MTA3: variants seen among roughly 807,000 people sequenced by gnomAD.
MTA3 encodes metastasis associated 1 family member 3, also known as metastasis-associated protein MTA3.
A neutral mutation model predicts 83.5 loss-of-function variants in MTA3; 34 were observed. The ratio of observed to expected loss-of-function variants is 0.41; its 90% CI spans 0.31 to 0.54. The LOEUF is 0.54. Among genes scored for constraint, MTA3 ranks in the 20% least tolerant of loss-of-function variants. The pLI is 0.33. For missense variants in MTA3, 761 were observed against 726.4 expected (o/e 1.05, Z -0.55); for synonymous variants, 303 against 252.7 (o/e 1.20, Z -1.89).
intron 16 of MTA3, among the ~76,000 whole-genome samples, chr2:42,738,306 C>A (rs761474143): frequency 2.1e-4 from 32 of 152,168 alleles, no homozygotes; most frequent in African/African-American, 7.0e-4. Context: ...GGCAGAAGAA[C>A]GTGGATTGTG....
At chr2:42,501,033 A>G (rs1358266937) in intron 2 of MTA3, among the ~76,000 whole-genome samples, 1 of 152,048 alleles carries the variant, frequency 6.6e-6, no homozygotes, top group Admixed American at 6.6e-5. Context: ...GATGATCTCC[A>G]TCTCCTGACC....
intron 3 of MTA3, among the ~76,000 whole-genome samples, chr2:42,582,076 G>A (rs1679723847): frequency 1.3e-5 from 2 of 149,500 alleles, no homozygotes; most frequent in South Asian, 4.2e-4. Context: ...CTTTTTTTTT[G>A]AGACGGAGTC....
rs1050823328 is a variant in MTA3 at position 42,552,469 on chromosome 2, A to C, written c.-140-17968A>C. ...AAAGGCTTTTTAAAACTAGACTCCT[A>C]GCCCCAGGGGGTGGTGGCTAAAGCC... is the stretch of plus-strand genomic sequence containing the variant. On this transcript the variant is annotated intron_variant, in intron 2 of 17. Transcript: ENST00000405592. Among the ~76,000 whole-genome samples, 3 of 152,118 alleles carry C rather than the reference A, an allele frequency of 2.0e-5. No homozygotes were observed. The South Asian group carries it at 6.2e-4, about 31-fold the overall frequency.
chr2:42,644,259 G>A lies in MTA3; in HGVS notation c.499+15G>A, dbSNP rs759748415. 1.8e-5 allele frequency: 28 copies of A among 1,549,726 alleles called. No individual in the cohort carries two copies. The Admixed American group carries it at 1.9e-4, about 11-fold the overall frequency. On this transcript the variant is annotated intron_variant, in intron 6 of 16. Transcript: ENST00000405094. ...GCTGTTAGAAGGTACGTTTTTCTGC[G>A]TGTTTGCAGTTTTGTGAAACAAATA...
chr2:42,535,860 T>C (rs1401499254), intron 2 of MTA3, among the ~76,000 whole-genome samples: 1 of 146,400 alleles, frequency 6.8e-6, no homozygotes, highest in Non-Finnish European at 1.5e-5. Flanking sequence ...GGCTCATGCC[T>C]GTAATCCTAG....
chr2:42,658,451 G>A (rs1395544391), intron 7 of MTA3, among the ~76,000 whole-genome samples: 3 of 152,160 alleles, frequency 2.0e-5, no homozygotes. Context: ...GGGATGAGAC[G>A]TCGTACAACG....
chr2:42,621,732 T>C (rs1313470735), intron 4 of MTA3, among the ~76,000 whole-genome samples: 108 of 146,440 alleles, frequency 7.4e-4, no homozygotes, highest in African/African-American at 2.7e-3. Context: ...TCCTCACTTC[T>C]CAGACGGGGC....
intron 4 of MTA3, among the ~76,000 whole-genome samples, chr2:42,638,433 G>T (rs890488652): frequency 5.9e-5 from 9 of 151,698 alleles, no homozygotes; most frequent in African/African-American, 1.9e-4. Flanking sequence ...CTTTTGCCCA[G>T]GCTGGAGTTC....
At chr2:42,698,811 C>T (rs1693610092) in intron 11 of MTA3, among the ~76,000 whole-genome samples, 1 of 152,114 alleles carries the variant, frequency 6.6e-6, no homozygotes, top group Non-Finnish European at 1.5e-5. Flanking sequence ...ACAGATAACT[C>T]TGGTTTAATT....
chr2:42,656,399 C>G, intron 7 of MTA3, 97 bp downstream of exon 7: 1 of 642,026 alleles, frequency 1.6e-6, no homozygotes, highest in Non-Finnish European at 2.5e-6. Flanking sequence ...CTGCTTTTCT[C>G]CCACTGATTG....
At chr2:42,731,601 CCCACAACACATGGGAAT>C (rs1363441608) in intron 16 of MTA3, among the ~76,000 whole-genome samples, 1 of 152,158 alleles carries the variant, frequency 6.6e-6, no homozygotes, top group East Asian at 1.9e-4. Context: ...ACTTCCCCCT[CCCACAACACATGGGAAT>C]TCTGGGAGAT....
At chr2:42,635,910 C>G (rs939906695) in intron 4 of MTA3, among the ~76,000 whole-genome samples, 4 of 151,932 alleles carry the variant, frequency 2.6e-5, no homozygotes, top group Non-Finnish European at 4.4e-5. Context: ...GGATTACAGG[C>G]GTGCACCACC....
chr2:42,548,811 ATATATATATATATATAT>A (rs1311070875), intron 2 of MTA3, among the ~76,000 whole-genome samples: 1,471 of 37,802 alleles, frequency 0.039, 132 homozygotes, highest in Middle Eastern at 0.083. Flanking sequence ...TCAAAAAAAA[ATATATATATATATATAT>A]AATATATATA....
intron 14 of MTA3, among the ~76,000 whole-genome samples, chr2:42,715,798 C>T (rs889814298): frequency 6.6e-6 from 1 of 152,058 alleles, no homozygotes; most frequent in African/African-American, 2.4e-5. Context: ...GGCAGTTTTC[C>T]TTTGGGTCAT....
At chr2:42,527,347 AC>A (rs1457240824) in intron 2 of MTA3, among the ~76,000 whole-genome samples, 4 of 152,100 alleles carry the variant, frequency 2.6e-5, no homozygotes, top group Non-Finnish European at 5.9e-5. Context: ...TGGGGCCCAA[AC>A]TTTTGTTATA....
chr2:42,678,619 G>A lies in MTA3; in HGVS notation c.703-3782G>A, dbSNP rs571364800. Among the ~76,000 whole-genome samples the A allele has an allele frequency of 1.2e-4, 18 of 152,192 alleles. No individual in the cohort carries two copies. In the South Asian group the frequency reaches 2.5e-3, roughly 21 times the overall value. ...GCTGGGATTACAGGTGTGAACCACC[G>A]CACCTGGCCCCAATGATTGATTTTA... is the stretch of plus-strand genomic sequence containing the variant. On this transcript the variant is annotated intron_variant, in intron 8 of 16. Transcript: ENST00000405094.
intron 9 of MTA3, among the ~76,000 whole-genome samples, chr2:42,687,721 A>G (rs892225093): frequency 2.0e-5 from 3 of 152,178 alleles, no homozygotes; most frequent in African/African-American, 7.2e-5. Flanking sequence ...AGGGTGGGCC[A>G]TGAGAAATTC....
In MTA3 at chr2:42,682,604, AT is replaced by A. The variant is rs1426933271; in HGVS notation, c.891+16del. On this transcript the variant is annotated intron_variant, in intron 9 of 16. Coordinates refer to ENST00000405094, the MANE Select transcript of MTA3 (RefSeq NM_001330442.2). Reference sequence around the variant, plus strand: ...GGCAAGATTTTGTAAGTAGAAAATTATGAGTAAAATAAAATGTTGAGATGGG... The same window carrying A: ...GGCAAGATTTTGTAAGTAGAAAATTAGAGTAAAATAAAATGTTGAGATGGG... 2.5e-6 allele frequency: 4 copies of A among 1,592,826 alleles called. No individual in the cohort carries two copies. Among genetic ancestry groups the A allele is most frequent in the Non-Finnish European group, 3.4e-6 (4 of 1,167,834 alleles).
intron 14 of MTA3, among the ~76,000 whole-genome samples, chr2:42,717,545 T>A (rs1291787100): frequency 6.6e-6 from 1 of 152,218 alleles, no homozygotes; most frequent in African/African-American, 2.4e-5. Context: ...TTTATTTTTG[T>A]CTGAAAATGT....
Sources: gnomAD v4.1 joint callset for allele counts (sites outside exome capture counted in the v4.1 genomes callset) on GRCh38, gnomAD v4.1.1 for gene constraint, MANE v1.5 for transcripts, NCBI Gene and HGNC (gene_info 2026-07-23, HGNC 2026-07-21) for gene names.